MFSD2A: variants seen among roughly 807,000 people sequenced by gnomAD.
The protein encoded by MFSD2A is MFSD2 lysolipid transporter A, lysophospholipid.
Under a neutral mutation model 64.7 loss-of-function variants are expected in MFSD2A, and 27 were observed. That is an observed-to-expected ratio of 0.42 (90% CI 0.31 to 0.58). The LOEUF is 0.58. Ranked by LOEUF, MFSD2A falls within the 20% of genes least tolerant of loss-of-function variation. The probability of loss-of-function intolerance (pLI) is 0.18; values close to 1 mark genes in which losing one functional copy is unlikely to be tolerated. For synonymous variants in MFSD2A, 258 were observed against 273.4 expected (o/e 0.94, Z 0.55); for missense variants, 474 against 679.5 (o/e 0.70, Z 3.36).
rs1245401548 is a variant in MFSD2A at position 39,955,192 on chromosome 1, C to G, written c.-101C>G. The G allele has an allele frequency of 4.9e-6, 5 of 1,010,568 alleles. No homozygotes were observed. The highest frequency in any genetic ancestry group is 3.4e-5 in the South Asian group (1 of 29,148). The allele number at this position is 1,010,568 out of a possible 1,614,324, so 62.6% of individuals were successfully genotyped here. A position where few individuals can be genotyped will look rare whatever the true frequency, so the allele number is the denominator to read the frequency against. On this transcript the variant is annotated 5_prime_UTR_variant, in exon 1 of 14. Transcript: ENST00000372811. This position sits in a 1 kb window ranked among gnomAD's most constrained non-coding sequence, Gnocchi z 5.9. ...GCCGGCTTGGCTAGCGCGCGGCGGC[C>G]GTGGCTAAGGCTGCTACGAAGCGAG...
rs3215035 is a variant in MFSD2A, at chr1:39,969,842, C to CT, written c.*283dup. ...TAGCCCGGAACACTAATGTAGAAAC[C>CT]TTTTTTTTTACAGAGCCTAATTAAT... is the stretch of plus-strand genomic sequence containing the variant. On this transcript the variant is annotated 3_prime_UTR_variant, in exon 14 of 14. Coordinates refer to ENST00000372811, the MANE Select transcript of MFSD2A (RefSeq NM_032793.5). The CT allele has an allele frequency of 9.9e-5, 44 of 443,100 alleles. No individual in the cohort carries two copies. In the East Asian group the frequency reaches 1.0e-3, roughly 10 times the overall value. 27.4% of individuals were successfully genotyped at this position (443,100 alleles called of 1,614,324 possible). A position where few individuals can be genotyped will look rare whatever the true frequency, so the allele number is the denominator to read the frequency against.
chr1:39,956,396 C>T (rs1644929306), intron 1 of MFSD2A, among the ~76,000 whole-genome samples: 1 of 152,196 alleles, frequency 6.6e-6, no homozygotes, highest in Non-Finnish European at 1.5e-5. Flanking sequence ...GCAGGTGGAT[C>T]CTGTCTCTGA....
Position 39,960,437 on chromosome 1 carries a change from G to A in MFSD2A, c.353+1612G>A, listed in dbSNP as rs978401907. Among the ~76,000 whole-genome samples, 4 of 149,062 alleles carry A rather than the reference G, an allele frequency of 2.7e-5. No individual in the cohort carries two copies. Among genetic ancestry groups the A allele is most frequent in the Admixed American group, 6.7e-5 (1 of 15,032 alleles). ...GGCCCAGGTTGGAGCCTTTGATCCAGTCTTCAGGGCCGGGGGCAGGACAGC... is the reference window on the plus strand; with the variant it reads ...GGCCCAGGTTGGAGCCTTTGATCCAATCTTCAGGGCCGGGGGCAGGACAGC... On this transcript the variant is annotated intron_variant, in intron 3 of 13. Coordinates refer to ENST00000372811, the MANE Select transcript of MFSD2A (RefSeq NM_032793.5). This position sits in a 1 kb window ranked among gnomAD's most constrained non-coding sequence, Gnocchi z 4.8.
rs55917020 is a variant in MFSD2A at position 39,960,026 on chromosome 1, C to T, written c.353+1201C>T. Among the ~76,000 whole-genome samples the T allele has an allele frequency of 7.3e-3, 1,118 of 152,340 alleles. 20 individuals are homozygous for T. Among genetic ancestry groups the T allele is most frequent in the African/African-American group, 0.025 (1,060 of 41,572 alleles). ...GCAGAGCAGGGGATGGGGTAATACC[C>T]GGAATGGGGTAGCAAACCCATAACC... On this transcript the variant is annotated intron_variant, in intron 3 of 13. Transcript: ENST00000372811. The surrounding 1 kb of genome is among the most constrained non-coding windows in gnomAD (Gnocchi z 4.8).
In MFSD2A at chr1:39,969,608, C is replaced by T. The variant is rs1207134918; in HGVS notation, c.*40C>T. 1.9e-6 allele frequency: 3 copies of T among 1,579,574 alleles called. No homozygotes were observed. Among genetic ancestry groups the T allele is most frequent in the East Asian group, 2.3e-5 (1 of 43,374 alleles). On this transcript the variant is annotated 3_prime_UTR_variant, in exon 14 of 14. Transcript: ENST00000372811. ...CCCGAAGCCACCATGCAGAAGGCCA[C>T]AGAAGGGATCAGGACCTGTCTGCCG...
rs372246704 is a variant in MFSD2A, at chr1:39,965,340, T to C, written c.477+6T>C. 35 of 1,613,920 alleles carry C rather than the reference T, an allele frequency of 2.2e-5. No individual in the cohort carries two copies. In the African/African-American group the frequency reaches 4.4e-4, roughly 20 times the overall value. ...TCTTTGAAACAATGGTCACGGTGAG[T>C]GTGGGTACCTCCCTTGGGTGTCTCT... On this transcript the variant is annotated splice_donor_region_variant and intron_variant, in intron 4 of 13. Coordinates refer to ENST00000372811, the MANE Select transcript of MFSD2A (RefSeq NM_032793.5). This position sits in a 1 kb window ranked among gnomAD's most constrained non-coding sequence, Gnocchi z 5.5.
rs537878010 is a variant in MFSD2A at position 39,968,292 on chromosome 1, G to C, written c.1209-42G>C. On this transcript the variant is annotated intron_variant, in intron 11 of 13. Transcript: ENST00000372811. The surrounding 1 kb of genome is among the most constrained non-coding windows in gnomAD (Gnocchi z 4.4). ...CCTCTTCTCATTAACACAGAGGCCCGTTAGGTGGGTCAGTCCTCATGGCTG... is the reference window on the plus strand; with the variant it reads ...CCTCTTCTCATTAACACAGAGGCCCCTTAGGTGGGTCAGTCCTCATGGCTG... 1 of 1,613,510 alleles carries C rather than the reference G, an allele frequency of 6.2e-7. No individual in the cohort carries two copies. Among genetic ancestry groups the C allele is most frequent in the South Asian group, 1.1e-5 (1 of 91,048 alleles).
intron 9 of MFSD2A, 40 bp from the exon 10 acceptor site, chr1:39,967,588 T>C (rs768466846): frequency 6.3e-7 from 1 of 1,587,424 alleles, no homozygotes; most frequent in South Asian, 1.1e-5. Flanking sequence ...GCTCTGTGGC[T>C]CTAAAGCACC....
At position 39,955,395 on chromosome 1, in the gene MFSD2A, C is replaced by T. The variant is rs1644903584; in HGVS notation, c.93+10C>T. Reference sequence around the variant, plus strand: ...CCCGGCCCAGGTGAAGGTGAGGGCCCGGCACCCCGCGTGGAGGGCGAGGGG... The same window carrying T: ...CCCGGCCCAGGTGAAGGTGAGGGCCTGGCACCCCGCGTGGAGGGCGAGGGG... On this transcript the variant is annotated intron_variant, in intron 1 of 13. Transcript: ENST00000372811. This position sits in a 1 kb window ranked among gnomAD's most constrained non-coding sequence, Gnocchi z 5.9. 3 of 1,510,574 alleles carry T rather than the reference C, an allele frequency of 2.0e-6. No individual in the cohort carries two copies. The highest frequency in any genetic ancestry group is 2.7e-6 in the Non-Finnish European group (3 of 1,129,512). The allele number at this position is 1,510,574 out of a possible 1,614,324, so 93.6% of individuals were successfully genotyped here. A position where few individuals can be genotyped will look rare whatever the true frequency, so the allele number is the denominator to read the frequency against.
intron 3 of MFSD2A, among the ~76,000 whole-genome samples, chr1:39,959,271 A>G (rs1272159907): frequency 2.7e-5 from 4 of 146,168 alleles, no homozygotes; most frequent in Admixed American, 1.4e-4. Context: ...TTTTAGAGAC[A>G]GGGTCTCGCT....
At position 39,965,761 on chromosome 1, in the gene MFSD2A, G is replaced by T; in HGVS notation, c.557-96G>T. 6.6e-7 allele frequency: 1 copy of T among 1,511,566 alleles called. No homozygotes were observed. Among genetic ancestry groups the T allele is most frequent in the Non-Finnish European group, 9.1e-7 (1 of 1,104,114 alleles). 93.6% of individuals were successfully genotyped at this position (1,511,566 alleles called of 1,614,324 possible). On this transcript the variant is annotated intron_variant, in intron 5 of 13. Transcript: ENST00000372811. This position sits in a 1 kb window ranked among gnomAD's most constrained non-coding sequence, Gnocchi z 5.5. ...CTACCCCACTACCTCTACCCACCCT[G>T]CCTGGAGCTACCGCTGGGCTCCCAC...
In MFSD2A at chr1:39,955,639, C is replaced by A. The variant is rs1343615452; in HGVS notation, c.93+254C>A. The A allele has an allele frequency of 7.4e-6, 5 of 678,146 alleles. No individual in the cohort carries two copies. The highest frequency in any genetic ancestry group is 4.1e-5 in the Admixed American group (2 of 48,858). The allele number at this position is 678,146 out of a possible 1,614,324, so 42.0% of individuals were successfully genotyped here. ...GCTCTGCCGGCAGCCCCATGTGATT[C>A]CCCGCTCTGCCTAGCCGGTTTCCAT... is the stretch of plus-strand genomic sequence containing the variant. On this transcript the variant is annotated intron_variant, in intron 1 of 13. Transcript: ENST00000372811. The surrounding 1 kb of genome is among the most constrained non-coding windows in gnomAD (Gnocchi z 5.9).
Position 39,963,375 on chromosome 1 carries a change from C to A in MFSD2A, c.354-1836C>A. 2 of 701,758 alleles carry A rather than the reference C, an allele frequency of 2.8e-6. No homozygotes were observed. Among genetic ancestry groups the A allele is most frequent in the Non-Finnish European group, 5.0e-6 (2 of 402,432 alleles). 43.5% of individuals were successfully genotyped at this position (701,758 alleles called of 1,614,324 possible). On this transcript the variant is annotated intron_variant, in intron 3 of 13. Transcript: ENST00000372811. This position sits in a 1 kb window ranked among gnomAD's most constrained non-coding sequence, Gnocchi z 4.2. ...ATTCACTGACCACCTCATCAAGACC[C>A]ACCAGGCTCCAGCTGTGGCTACAAC...
At position 39,958,572 on chromosome 1, in the gene MFSD2A, C is replaced by A; in HGVS notation, c.229-129C>A. The A allele has an allele frequency of 7.1e-7, 1 of 1,408,320 alleles. No individual in the cohort carries two copies. The allele number at this position is 1,408,320 out of a possible 1,614,324, so 87.2% of individuals were successfully genotyped here. A position where few individuals can be genotyped will look rare whatever the true frequency, so the allele number is the denominator to read the frequency against. Reference sequence around the variant, plus strand: ...AAGGCAAGTGAAGATGTGTAAGGTCCATGTGGGAGCAGCTCAGGGTCACAA... The same window carrying A: ...AAGGCAAGTGAAGATGTGTAAGGTCAATGTGGGAGCAGCTCAGGGTCACAA... On this transcript the variant is annotated intron_variant, in intron 2 of 13. Transcript: ENST00000372811. The surrounding 1 kb of genome is among the most constrained non-coding windows in gnomAD (Gnocchi z 4.7).
intron 3 of MFSD2A, among the ~76,000 whole-genome samples, chr1:39,961,639 A>G (rs1471290652): frequency 6.7e-6 from 1 of 148,900 alleles, no homozygotes; most frequent in Non-Finnish European, 1.5e-5. Context: ...GAGCCACTGC[A>G]CCTGGCCCTT....
chr1:39,958,953 T>G lies in MFSD2A; in HGVS notation c.353+128T>G. Reference sequence around the variant, plus strand: ...AAGGAAGGAGTTAAAAGCCCAAGGGTGTTGAAACCCCATCCGAGGCATCAG... The same window carrying G: ...AAGGAAGGAGTTAAAAGCCCAAGGGGGTTGAAACCCCATCCGAGGCATCAG... On this transcript the variant is annotated intron_variant, in intron 3 of 13. Coordinates refer to ENST00000372811, the MANE Select transcript of MFSD2A (RefSeq NM_032793.5). The surrounding 1 kb of genome is among the most constrained non-coding windows in gnomAD (Gnocchi z 4.7). 1 of 1,144,162 alleles carries G rather than the reference T, an allele frequency of 8.7e-7. No individual in the cohort carries two copies. The highest frequency in any genetic ancestry group is 2.4e-5 in the Admixed American group (1 of 41,470). 70.9% of individuals were successfully genotyped at this position (1,144,162 alleles called of 1,614,324 possible). A position where few individuals can be genotyped will look rare whatever the true frequency, so the allele number is the denominator to read the frequency against.
At chr1:39,967,938 T>A in intron 11 of MFSD2A, 22 bp downstream of exon 11, 1 of 1,467,954 alleles carries the variant, frequency 6.8e-7, no homozygotes, top group Non-Finnish European at 9.4e-7. Flanking sequence ...CAGGCCCCCC[T>A]CCTCGGGTAT....
rs961000008 is a variant in MFSD2A, at chr1:39,964,950, C to G, written c.354-261C>G. On this transcript the variant is annotated intron_variant, in intron 3 of 13. Coordinates refer to ENST00000372811, the MANE Select transcript of MFSD2A (RefSeq NM_032793.5). This position sits in a 1 kb window ranked among gnomAD's most constrained non-coding sequence, Gnocchi z 4.1. ...CTCTCAGCCCATTAGAGGCTGCTGC[C>G]TCTGGACTAGACTCAGGCTCTGACC... The G allele has an allele frequency of 1.9e-6, 1 of 529,488 alleles. No homozygotes were observed. Among genetic ancestry groups the G allele is most frequent in the Admixed American group, 3.2e-5 (1 of 30,930 alleles). 32.8% of individuals were successfully genotyped at this position (529,488 alleles called of 1,614,324 possible).
At position 39,966,826 on chromosome 1, in the gene MFSD2A, A is replaced by G. The variant is rs144616047; in HGVS notation, c.821A>G (p.Gln274Arg). ...TGGCCCCCAGAACCCTATGAAGCCCAGCAGTCTGAGCCAATCGCCTACTTC... is the reference window on the plus strand; with the variant it reads ...TGGCCCCCAGAACCCTATGAAGCCCGGCAGTCTGAGCCAATCGCCTACTTC... Reference protein sequence around the residue: ...VREQREPYEAQQSEPIAYFRG... With the variant: ...VREQREPYEARQSEPIAYFRG... The change falls in exon 8 of 14, where the codon CAG (glutamine) becomes CGG (arginine). Residue 274 changes from glutamine (Q) to arginine (R), a missense_variant. Transcript: ENST00000372811. The G allele has an allele frequency of 1.9e-6, 3 of 1,614,112 alleles. No individual in the cohort carries two copies. The highest frequency in any genetic ancestry group is 2.5e-6 in the Non-Finnish European group (3 of 1,180,012).
Sources: allele counts gnomAD v4.1 joint callset (sites outside exome capture counted in the v4.1 genomes callset), GRCh38; gene constraint gnomAD v4.1.1; non-coding constraint Gnocchi (gnomAD v3.1); transcripts MANE v1.5; gene names NCBI Gene and HGNC (gene_info 2026-07-23, HGNC 2026-07-21).